INTU: variants seen among roughly 807,000 people sequenced by gnomAD.
The protein encoded by INTU is protein inturned.
INTU carries 68 observed loss-of-function variants against 100.5 expected under a neutral mutation model. The ratio of observed to expected loss-of-function variants is 0.68; its 90% CI spans 0.56 to 0.83. INTU has a LOEUF of 0.83. Among genes scored for constraint, INTU ranks in the 40% least tolerant of loss-of-function variants. The pLI, the probability that INTU is intolerant of heterozygous loss-of-function variation, is 0.00. For synonymous variants in INTU, 357 were observed against 395.7 expected (o/e 0.90, Z 1.16); for missense variants, 1,071 against 1,114.7 (o/e 0.96, Z 0.56).
chr4:127,679,377 A>G (rs1729402681), intron 6 of INTU, among the ~76,000 whole-genome samples: 2 of 152,136 alleles, frequency 1.3e-5, no homozygotes, highest in Non-Finnish European at 2.9e-5. Context: ...AGCAAATGTA[A>G]AAGAACAGAA....
intron 3 of INTU, among the ~76,000 whole-genome samples, chr4:127,657,844 G>A (rs529354675): frequency 4.6e-5 from 7 of 152,044 alleles, no homozygotes; most frequent in Admixed American, 2.0e-4. Flanking sequence ...ATATTACAAT[G>A]TATTATAATA....
In INTU at chr4:127,709,711, T is replaced by TCACACACACACACACA. The variant is rs3066389; in HGVS notation, c.2369+1062_2369+1077dup. 4.1e-3 allele frequency among the ~76,000 whole-genome samples: 584 copies of TCACACACACACACACA among 143,362 alleles called. 4 individuals are homozygous for TCACACACACACACACA. The highest frequency in any genetic ancestry group is 8.7e-3 in the African/African-American group (331 of 38,236). The allele number at this position is 143,362 out of a possible 152,430, so 94.1% of individuals were successfully genotyped here. A position where few individuals can be genotyped will look rare whatever the true frequency, so the allele number is the denominator to read the frequency against. On this transcript the variant is annotated intron_variant, in intron 13 of 15. Transcript: ENST00000335251. ...ACAACTAGACACGTACTAATAGAATTCACACACACACACACACACACACAC... is the reference window on the plus strand; with the variant it reads ...ACAACTAGACACGTACTAATAGAATTCACACACACACACACACACACACACACACACACACACACAC...
At chr4:127,689,736 GGGAAA>G (rs1191980525) in intron 8 of INTU, among the ~76,000 whole-genome samples, 1 of 151,920 alleles carries the variant, frequency 6.6e-6, no homozygotes, top group African/African-American at 2.4e-5. Flanking sequence ...AGAAAGAAAG[GGGAAA>G]GGAAAGGGGG....
At chr4:127,693,387 G>A (rs568437996) in intron 8 of INTU, among the ~76,000 whole-genome samples, 1 of 152,232 alleles carries the variant, frequency 6.6e-6, no homozygotes, top group East Asian at 1.9e-4. Flanking sequence ...AACTTTTGGT[G>A]TACAGCAGAG....
intron 10 of INTU, among the ~76,000 whole-genome samples, chr4:127,705,221 A>G (rs192269430): frequency 2.6e-5 from 4 of 152,326 alleles, no homozygotes; most frequent in Non-Finnish European, 5.9e-5. Flanking sequence ...ACACAATATA[A>G]AACACATCTA....
chr4:127,712,605 G>A (rs1175534642), intron 14 of INTU, among the ~76,000 whole-genome samples: 2 of 152,168 alleles, frequency 1.3e-5, no homozygotes, highest in Admixed American at 6.5e-5. Context: ...ATAGTATGCT[G>A]AGAAGAATCA....
chr4:127,654,969 C>T, intron 2 of INTU, among the ~76,000 whole-genome samples: 1 of 150,388 alleles, frequency 6.6e-6, no homozygotes, highest in Non-Finnish European at 1.5e-5. Context: ...TCATTTCATT[C>T]ATTTCATCTT....
chr4:127,653,741 C>T (rs1728027612), intron 2 of INTU, among the ~76,000 whole-genome samples: 2 of 150,928 alleles, frequency 1.3e-5, no homozygotes. Flanking sequence ...ATTAGGTCCA[C>T]TTGGTGCAGA....
At chr4:127,687,143 T>C (rs570042438) in intron 7 of INTU, 2 of 152,354 alleles carry the variant, frequency 1.3e-5, no homozygotes, top group African/African-American at 4.8e-5. Context: ...TGTTATGTTC[T>C]AGGCATTCTG....
At chr4:127,653,615 A>G (rs1410152545) in intron 2 of INTU, among the ~76,000 whole-genome samples, 2 of 151,892 alleles carry the variant, frequency 1.3e-5, no homozygotes, top group African/African-American at 2.4e-5. Context: ...GTCCTTTTAC[A>G]TTTGCTGAGG....
At position 127,704,240 on chromosome 4, in the gene INTU, T is replaced by C. The variant is rs1484440647; in HGVS notation, c.1516T>C (p.Tyr506His). ...ATTTTTCCCCCAGTCCGAGGATTAC[T>C]ATGACATGAGGCGGCTGTATACAAT... ...ADFAELSEDY[Y>H]DMRRLYTILG... The change falls in exon 10 of 16, where the codon TAT becomes CAT. Residue 506 changes from tyrosine to histidine, a missense_variant. Transcript: ENST00000335251. 2 of 1,609,386 alleles carry C rather than the reference T, an allele frequency of 1.2e-6. No homozygotes were observed. The highest frequency in any genetic ancestry group is 8.5e-7 in the Non-Finnish European group (1 of 1,177,712).
rs931365307 is a variant in INTU, at chr4:127,722,115, G to T, written c.*5679G>T. 1.3e-5 allele frequency: 2 copies of T among 152,350 alleles called. No homozygotes were observed. The highest frequency in any genetic ancestry group is 4.8e-5 in the African/African-American group (2 of 41,560). The allele number at this position is 152,350 out of a possible 1,614,324, so 9.4% of individuals were successfully genotyped here. A position where few individuals can be genotyped will look rare whatever the true frequency, so the allele number is the denominator to read the frequency against. Reference sequence around the variant, plus strand: ...GGGTTTATCTACCTTTGATCTTTGAGTCTGCTGACTTTTGGATGAGGTTTT... The same window carrying T: ...GGGTTTATCTACCTTTGATCTTTGATTCTGCTGACTTTTGGATGAGGTTTT... On this transcript the variant is annotated 3_prime_UTR_variant, in exon 16 of 16. Transcript: ENST00000335251.
rs1477091764 is a variant in INTU at position 127,678,340 on chromosome 4, G to A, written c.1181+4127G>A. On this transcript the variant is annotated intron_variant, in intron 6 of 15. Coordinates refer to ENST00000335251, the MANE Select transcript of INTU (RefSeq NM_015693.4). Reference sequence around the variant, plus strand: ...TGAAATGAAGGAAAAAATGTTAAGGGCAGCCAGAGACAAAGTTCGGGTTAC... The same window carrying A: ...TGAAATGAAGGAAAAAATGTTAAGGACAGCCAGAGACAAAGTTCGGGTTAC... Among the ~76,000 whole-genome samples the A allele has an allele frequency of 3.3e-5, 5 of 152,276 alleles. No homozygotes were observed. The East Asian group carries it at 9.6e-4, about 29-fold the overall frequency.
At chr4:127,646,217 A>T (rs899134671) in intron 2 of INTU, among the ~76,000 whole-genome samples, 6 of 151,354 alleles carry the variant, frequency 4.0e-5, no homozygotes, top group African/African-American at 1.5e-4. Flanking sequence ...TGGATGACTT[A>T]TTATGCAACA....
intron 7 of INTU, chr4:127,685,435 C>T (rs1165392839): frequency 2.2e-6 from 1 of 455,414 alleles, no homozygotes; most frequent in East Asian, 7.0e-5. Flanking sequence ...TCTCATTGTT[C>T]TTACAGTATC....
intron 8 of INTU, chr4:127,699,342 G>T (rs1221010495): frequency 6.6e-6 from 1 of 152,114 alleles, no homozygotes; most frequent in African/African-American, 2.4e-5. Context: ...AAGAGTTCAG[G>T]CAATTTCCAT....
chr4:127,694,784 T>A (rs1191101553), intron 8 of INTU, among the ~76,000 whole-genome samples: 11 of 152,202 alleles, frequency 7.2e-5, no homozygotes. Flanking sequence ...GCTCTTTACA[T>A]TGTATTTGTT....
intron 2 of INTU, among the ~76,000 whole-genome samples, chr4:127,645,535 TA>T (rs1452128358): frequency 2.6e-5 from 4 of 151,958 alleles, no homozygotes; most frequent in Non-Finnish European, 4.4e-5. Flanking sequence ...TTGTTGTTGT[TA>T]TTTTTTTATT....
At position 127,711,105 on chromosome 4, in the gene INTU, A is replaced by G. The variant is rs1248860673; in HGVS notation, c.2559+3A>G. ...TCCAACAGACATTGGTGGAAGAGGT[A>G]GGGCACTGCTATAAATACAGTTTTC... On this transcript the variant is annotated splice_donor_region_variant and intron_variant, in intron 14 of 15. Transcript: ENST00000335251. The G allele has an allele frequency of 1.5e-5, 24 of 1,574,558 alleles. No homozygotes were observed. Among genetic ancestry groups the G allele is most frequent in the Non-Finnish European group, 2.1e-5 (24 of 1,151,122 alleles).
Sources: allele counts gnomAD v4.1 joint callset (sites outside exome capture counted in the v4.1 genomes callset), GRCh38; gene constraint gnomAD v4.1.1; transcripts MANE v1.5; gene names NCBI Gene and HGNC (gene_info 2026-07-23, HGNC 2026-07-21).